The following FCF1 variants were observed in gnomAD, a reference collection of about 807,000 sequenced individuals.
FCF1 encodes the protein rRNA-processing protein FCF1 homolog.
Under a neutral mutation model 32.5 loss-of-function variants are expected in FCF1, and 17 were observed. The ratio of observed to expected loss-of-function variants is 0.52; its 90% CI spans 0.36 to 0.78. The LOEUF is 0.78. Ranked by LOEUF, FCF1 falls within the 30% of genes least tolerant of loss-of-function variation. The pLI is 0.00. For synonymous variants in FCF1, 84 were observed against 78.4 expected, an observed-to-expected ratio of 1.07 and a Z score of -0.38; for missense variants, 201 against 241.1, an observed-to-expected ratio of 0.83 and a Z score of 1.10.
intron 5 of FCF1, among the ~76,000 whole-genome samples, chr14:74,726,421 G>A (rs1435623306): frequency 2.0e-5 from 3 of 151,782 alleles, no homozygotes; most frequent in African/African-American, 7.3e-5. Flanking sequence ...AGGGAGGTTC[G>A]AGATCATACC....
chr14:74,730,167 G>A (rs895409644), intron 5 of FCF1, among the ~76,000 whole-genome samples: 26 of 148,196 alleles, frequency 1.8e-4, no homozygotes, highest in African/African-American at 6.5e-4. Context: ...CTAAAAACAT[G>A]CAAACCAATA....
intron 4 of FCF1, among the ~76,000 whole-genome samples, chr14:74,716,575 G>C (rs2090424092): frequency 6.6e-6 from 1 of 152,144 alleles, no homozygotes; most frequent in South Asian, 2.1e-4. Flanking sequence ...TTTATTCGTA[G>C]TACAGAGGAT....
At chr14:74,714,036 C>G (rs2090375840) in intron 2 of FCF1, among the ~76,000 whole-genome samples, 1 of 152,114 alleles carries the variant, frequency 6.6e-6, no homozygotes, top group Non-Finnish European at 1.5e-5. Context: ...TATAAGAATC[C>G]AAATCACTGT....
chr14:74,717,738 G>A (rs934922142), intron 4 of FCF1, among the ~76,000 whole-genome samples: 7 of 152,134 alleles, frequency 4.6e-5, no homozygotes, highest in African/African-American at 7.2e-5. Context: ...TCAATGAAAC[G>A]GATAGAGGGT....
chr14:74,722,850 G>A (rs1393858031), intron 4 of FCF1, among the ~76,000 whole-genome samples: 3 of 151,888 alleles, frequency 2.0e-5, no homozygotes, highest in Non-Finnish European at 2.9e-5. Flanking sequence ...GGCTGAGGTG[G>A]GAGAATCATT....
At chr14:74,726,270 T>G (rs2090577066) in intron 5 of FCF1, among the ~76,000 whole-genome samples, 1 of 151,268 alleles carries the variant, frequency 6.6e-6, no homozygotes, top group African/African-American at 2.4e-5. Context: ...GAGGATTCCT[T>G]GAGCCCAGGA....
intron 5 of FCF1, among the ~76,000 whole-genome samples, chr14:74,727,425 A>G (rs954107163): frequency 6.6e-6 from 1 of 152,060 alleles, no homozygotes; most frequent in Non-Finnish European, 1.5e-5. Context: ...GTGTCTGTTC[A>G]TGTCCTTCGC....
intron 4 of FCF1, among the ~76,000 whole-genome samples, chr14:74,719,129 C>CAAAA (rs1167421434): frequency 2.9e-4 from 10 of 34,198 alleles, no homozygotes; most frequent in Non-Finnish European, 4.5e-4. Context: ...GACTCTGTCT[C>CAAAA]AAAAAAAAAA....
rs1364557224 is a variant in FCF1 at position 74,737,685 on chromosome 14, A to T, written c.*2755A>T. Reference sequence around the variant, plus strand: ...TTACACAATGGCAAGGTGGCTATCCATTTGAAAAAAAATTAGGCCGGGCGT... The same window carrying T: ...TTACACAATGGCAAGGTGGCTATCCTTTTGAAAAAAAATTAGGCCGGGCGT... On this transcript the variant is annotated 3_prime_UTR_variant, in exon 8 of 8. Coordinates refer to ENST00000341162, the MANE Select transcript of FCF1 (RefSeq NM_015962.5). 1 of 152,154 alleles carries T rather than the reference A, an allele frequency of 6.6e-6. No homozygotes were observed. Among genetic ancestry groups the T allele is most frequent in the Non-Finnish European group, 1.5e-5 (1 of 68,036 alleles). The allele number at this position is 152,154 out of a possible 1,614,324, so 9.4% of individuals were successfully genotyped here.
At position 74,738,121 on chromosome 14, in the gene FCF1, C is replaced by G. The variant is rs970906121; in HGVS notation, c.*3191C>G. ...TTGAGACAGTTTCTCACTCTGTCAC[C>G]CAGGCTGCAGTGCGTTGGCACAATC... On this transcript the variant is annotated 3_prime_UTR_variant, in exon 8 of 8. Transcript: ENST00000341162. 1 of 151,746 alleles carries G rather than the reference C, an allele frequency of 6.6e-6. No homozygotes were observed. The highest frequency in any genetic ancestry group is 1.5e-5 in the Non-Finnish European group (1 of 68,002). 9.4% of individuals were successfully genotyped at this position (151,746 alleles called of 1,614,324 possible).
At chr14:74,732,032 C>T (rs141841422) in intron 5 of FCF1, among the ~76,000 whole-genome samples, 12 of 152,306 alleles carry the variant, frequency 7.9e-5, no homozygotes, top group Middle Eastern at 6.8e-3. Flanking sequence ...TGTCCATTCT[C>T]ATACCCCAAG....
At chr14:74,729,581 G>GT (rs1385120909) in intron 5 of FCF1, among the ~76,000 whole-genome samples, 2 of 152,056 alleles carry the variant, frequency 1.3e-5, no homozygotes, top group Non-Finnish European at 2.9e-5. Flanking sequence ...TTTTTGAAGG[G>GT]TTTTTTGTGT....
At position 74,735,080 on chromosome 14, in the gene FCF1, A is replaced by G; in HGVS notation, c.*150A>G. On this transcript the variant is annotated 3_prime_UTR_variant, in exon 8 of 8. Coordinates refer to ENST00000341162, the MANE Select transcript of FCF1 (RefSeq NM_015962.5). ...ATTATTTAGGTGCACCAGCCCAGTC[A>G]GATTAACATCCAAAGGACTGAACCC... is the stretch of plus-strand genomic sequence containing the variant. 1 of 648,208 alleles carries G rather than the reference A, an allele frequency of 1.5e-6. No homozygotes were observed. The highest frequency in any genetic ancestry group is 2.7e-6 in the Non-Finnish European group (1 of 366,356). 40.2% of individuals were successfully genotyped at this position (648,208 alleles called of 1,614,324 possible). A position where few individuals can be genotyped will look rare whatever the true frequency, so the allele number is the denominator to read the frequency against.
intron 4 of FCF1, among the ~76,000 whole-genome samples, chr14:74,722,822 G>A (rs1045200719): frequency 6.6e-6 from 1 of 151,534 alleles, no homozygotes; most frequent in African/African-American, 2.4e-5. Context: ...GCGTACCTGT[G>A]GTCCTCGCTA....
intron 4 of FCF1, among the ~76,000 whole-genome samples, chr14:74,717,224 C>T (rs931304685): frequency 1.1e-4 from 16 of 152,056 alleles, no homozygotes; most frequent in African/African-American, 3.9e-4. Context: ...GGCGTGGTGG[C>T]ACGTGACTGT....
chr14:74,722,293 C>T (rs867071271), intron 4 of FCF1, among the ~76,000 whole-genome samples: 1 of 152,136 alleles, frequency 6.6e-6, no homozygotes, highest in Non-Finnish European at 1.5e-5. Context: ...GGTGATCCGC[C>T]TGCCTCAGCC....
intron 2 of FCF1, among the ~76,000 whole-genome samples, chr14:74,714,602 A>T (rs982092979): frequency 1.3e-5 from 2 of 152,226 alleles, no homozygotes; most frequent in Non-Finnish European, 1.5e-5. Context: ...CTGACTAAAA[A>T]ATAAATATAG....
Position 74,720,415 on chromosome 14 carries a change from T to C in FCF1, c.293-2857T>C, listed in dbSNP as rs185178180. On this transcript the variant is annotated intron_variant, in intron 4 of 7. Coordinates refer to ENST00000341162, the MANE Select transcript of FCF1 (RefSeq NM_015962.5). ...AATCTACTTTCTGTTTCTATAAATT[T>C]CCCTATTCTGGACATTTCATAAAAA... is the stretch of plus-strand genomic sequence containing the variant. 2.1e-4 allele frequency among the ~76,000 whole-genome samples: 32 copies of C among 152,344 alleles called. No individual in the cohort carries two copies. The East Asian group carries it at 4.2e-3, about 20-fold the overall frequency.
chr14:74,714,836 T>G lies in FCF1; in HGVS notation c.72-36T>G, dbSNP rs758807415. The G allele has an allele frequency of 1.4e-5, 22 of 1,525,934 alleles. No individual in the cohort carries two copies. In the East Asian group the frequency reaches 5.2e-4, roughly 36 times the overall value. The allele number at this position is 1,525,934 out of a possible 1,614,324, so 94.5% of individuals were successfully genotyped here. A position where few individuals can be genotyped will look rare whatever the true frequency, so the allele number is the denominator to read the frequency against. ...GAGATTTTAATTGCTGTGGTTTTTC[T>G]TCTCCCTTGGATTTAATTTACCTTT... On this transcript the variant is annotated intron_variant, in intron 2 of 7. Coordinates refer to ENST00000341162, the MANE Select transcript of FCF1 (RefSeq NM_015962.5).
Sources: gnomAD v4.1 joint callset for allele counts (sites outside exome capture counted in the v4.1 genomes callset) on GRCh38, gnomAD v4.1.1 for gene constraint, MANE v1.5 for transcripts, NCBI Gene and HGNC (gene_info 2026-07-23, HGNC 2026-07-21) for gene names.